The following STAU1 variants were observed in gnomAD, a reference collection of about 807,000 sequenced individuals.
The protein encoded by STAU1 is double-stranded RNA-binding protein Staufen homolog 1.
A neutral mutation model predicts 62.9 loss-of-function variants in STAU1; 13 were observed. The ratio of observed to expected loss-of-function variants is 0.21; its 90% CI spans 0.13 to 0.33. The LOEUF (loss-of-function observed/expected upper bound fraction) is 0.33, where lower values mean the gene tolerates loss of function less well. STAU1 is among the 10% of genes least tolerant of loss of function. The pLI is 1.00. For synonymous variants in STAU1, 269 were observed against 265.1 expected, an observed-to-expected ratio of 1.01 and a Z score of -0.14; for missense variants, 571 against 712.1, an observed-to-expected ratio of 0.80 and a Z score of 2.25.
intron 2 of STAU1, 120 bp from the exon 3 acceptor site, chr20:49,166,405 A>T: frequency 1.8e-6 from 1 of 571,328 alleles, no homozygotes; most frequent in East Asian, 2.9e-5. Context: ...TTTAGCATGT[A>T]GCTATGTTGA....
In STAU1 at chr20:49,125,739, T is replaced by G. The variant is rs1281102253; in HGVS notation, c.610-1152A>C. Among the ~76,000 whole-genome samples the G allele has an allele frequency of 3.3e-5, 5 of 151,934 alleles. No homozygotes were observed. The East Asian group carries it at 7.7e-4, about 23-fold the overall frequency. On this transcript the variant is annotated intron_variant, in intron 6 of 13. Transcript: ENST00000371856. Reference sequence around the variant, plus strand: ...GGCAGGCGCCTGTAGTCCCAGCTACTCGGGAGGCTGAAGCAGGAGAATGGC... The same window carrying G: ...GGCAGGCGCCTGTAGTCCCAGCTACGCGGGAGGCTGAAGCAGGAGAATGGC...
At chr20:49,176,371 T>C (rs2093660606) in intron 1 of STAU1, among the ~76,000 whole-genome samples, 1 of 152,180 alleles carries the variant, frequency 6.6e-6, no homozygotes, top group Non-Finnish European at 1.5e-5. Flanking sequence ...CATTACAGAA[T>C]TTGAGTTTAA....
upstream of STAU1, among the ~76,000 whole-genome samples, chr20:49,192,112 C>T (rs925876584): frequency 3.4e-5 from 5 of 147,102 alleles, no homozygotes; most frequent in South Asian, 2.2e-4. Flanking sequence ...TTTGGGAGGC[C>T]GAGGAGGGCA....
Position 49,127,925 on chromosome 20 carries a change from G to A in STAU1, c.610-3338C>T, listed in dbSNP as rs187927101. Reference sequence around the variant, plus strand: ...AGCACTTTGGGAGGCCGAGGCAGGCGGATCACCTGAGGCCAGGAGTTTGAG... The same window carrying A: ...AGCACTTTGGGAGGCCGAGGCAGGCAGATCACCTGAGGCCAGGAGTTTGAG... On this transcript the variant is annotated intron_variant, in intron 6 of 13. Transcript: ENST00000371856. 3.9e-3 allele frequency among the ~76,000 whole-genome samples: 586 copies of A among 152,180 alleles called. 4 individuals carry two copies. Among genetic ancestry groups the A allele is most frequent in the African/African-American group, 0.013 (536 of 41,524 alleles).
intron 5 of STAU1, among the ~76,000 whole-genome samples, chr20:49,138,935 G>A (rs1458337060): frequency 6.6e-6 from 1 of 151,984 alleles, no homozygotes; most frequent in East Asian, 1.9e-4. Context: ...GAAATTTACA[G>A]GTTGGTGCAA....
the STAU1 span, among the ~76,000 whole-genome samples, chr20:49,194,348 G>C: frequency 6.8e-6 from 1 of 146,136 alleles, no homozygotes; most frequent in East Asian, 2.2e-4. Context: ...AGAATCACTT[G>C]AACCTGGGAG....
intron 3 of STAU1, among the ~76,000 whole-genome samples, chr20:49,165,332 C>T (rs1036129686): frequency 1.4e-5 from 2 of 146,660 alleles, no homozygotes; most frequent in African/African-American, 2.5e-5. Flanking sequence ...CGTGAGCCAC[C>T]GCGCCCGGCC....
intron 5 of STAU1, among the ~76,000 whole-genome samples, chr20:49,145,103 C>A (rs1370941755): frequency 6.6e-6 from 1 of 152,170 alleles, no homozygotes; most frequent in East Asian, 1.9e-4. Context: ...CAATATCATT[C>A]CTTAAAGAGC....
At position 49,118,065 on chromosome 20, in the gene STAU1, A is replaced by G. The variant is rs770029542; in HGVS notation, c.1221T>C (p.Tyr407=). ...SNKEDEFRMP[Y]LSHQQLPAGI... ...CAGCAGGCAGCTGCTGATGACTTAG[A>G]TAAGGCATCCTGAACTCATCCTCTT... Residue 407 remains tyrosine (Y), a synonymous_variant, in exon 11 of 14, where the codon TAT becomes TAC. Coordinates refer to ENST00000371856, the MANE Select transcript of STAU1 (RefSeq NM_017453.4). 1.2e-6 allele frequency: 2 copies of G among 1,614,142 alleles called. No homozygotes were observed. The highest frequency in any genetic ancestry group is 1.7e-6 in the Non-Finnish European group (2 of 1,180,018).
At chr20:49,165,031 G>T (rs1292875184) in intron 3 of STAU1, among the ~76,000 whole-genome samples, 1 of 151,964 alleles carries the variant, frequency 6.6e-6, no homozygotes, top group African/African-American at 2.4e-5. Context: ...TCAGTTGTGG[G>T]AATTTTATTT....
chr20:49,154,163 G>C, intron 3 of STAU1, 92 bp from the exon 4 acceptor site: 1 of 1,330,820 alleles, frequency 7.5e-7, no homozygotes, highest in Non-Finnish European at 1.0e-6. Flanking sequence ...TCTGCTAATT[G>C]GATTCATGAT....
At chr20:49,213,204 G>C in the STAU1 span, among the ~76,000 whole-genome samples, 2 of 151,614 alleles carry the variant, frequency 1.3e-5, no homozygotes, top group Non-Finnish European at 2.9e-5. Context: ...TGCAGCAATG[G>C]GGGTCTCACT....
At chr20:49,115,019 C>T (rs2092279639) in intron 13 of STAU1, 126 bp from the exon 14 acceptor site, 1 of 970,616 alleles carries the variant, frequency 1.0e-6, no homozygotes, top group South Asian at 1.5e-5. Flanking sequence ...TTTATGATAA[C>T]AAAAGTTTTC....
the STAU1 span, among the ~76,000 whole-genome samples, chr20:49,203,717 C>T: frequency 3.3e-5 from 5 of 152,178 alleles, no homozygotes; most frequent in South Asian, 2.1e-4. Context: ...GACGGAGTCT[C>T]GCTCTGCTGC....
chr20:49,125,831 G>A (rs756444358), intron 6 of STAU1, among the ~76,000 whole-genome samples: 14 of 151,804 alleles, frequency 9.2e-5, no homozygotes, highest in Non-Finnish European at 1.3e-4. Context: ...TGACAGAGTG[G>A]GACTCCGTCT....
chr20:49,186,409 C>G (rs1346854295), intron 1 of STAU1, among the ~76,000 whole-genome samples: 1 of 151,600 alleles, frequency 6.6e-6, no homozygotes, highest in African/African-American at 2.4e-5. Context: ...TCAGAAAATT[C>G]TAGGAAAATG....
chr20:49,164,864 C>G (rs992401053), intron 3 of STAU1, among the ~76,000 whole-genome samples: 1 of 152,112 alleles, frequency 6.6e-6, no homozygotes, highest in African/African-American at 2.4e-5. Context: ...ACTTCTGGAA[C>G]CTTCCAGACT....
the STAU1 span, among the ~76,000 whole-genome samples, chr20:49,217,840 C>A: frequency 6.6e-6 from 1 of 150,684 alleles, no homozygotes; most frequent in Non-Finnish European, 1.5e-5. Context: ...GAGTGAGACC[C>A]TGTCTCAAAA....
intron 4 of STAU1, among the ~76,000 whole-genome samples, chr20:49,152,077 G>T (rs1488996319): frequency 6.6e-6 from 1 of 152,116 alleles, no homozygotes. Flanking sequence ...GGCTTGCTCT[G>T]CCTTCTCAAA....
Sources: gnomAD v4.1 joint callset for allele counts (sites outside exome capture counted in the v4.1 genomes callset) on GRCh38, gnomAD v4.1.1 for gene constraint, MANE v1.5 for transcripts, NCBI Gene and HGNC (gene_info 2026-07-23, HGNC 2026-07-21) for gene names.